CHRNA7: variants seen among roughly 807,000 people sequenced by gnomAD.
The protein encoded by CHRNA7 is neuronal acetylcholine receptor subunit alpha-7.
CHRNA7 carries 17 observed loss-of-function variants against 48.0 expected under a neutral mutation model. The ratio of observed to expected loss-of-function variants is 0.35; its 90% CI spans 0.24 to 0.53. The LOEUF (loss-of-function observed/expected upper bound fraction) is 0.53, where lower values mean the gene tolerates loss of function less well. CHRNA7 is among the 20% of genes least tolerant of loss of function. The pLI is 0.92. For missense variants in CHRNA7, 155 were observed against 577.7 expected, an observed-to-expected ratio of 0.27 and a Z score of 7.50; for synonymous variants, 75 against 242.3, an observed-to-expected ratio of 0.31 and a Z score of 6.41.
chr15:32,107,958 G>C (rs2050698405), intron 3 of CHRNA7, among the ~76,000 whole-genome samples: 1 of 152,104 alleles, frequency 6.6e-6, no homozygotes, highest in Non-Finnish European at 1.5e-5. Context: ...CTCTCACTCA[G>C]GAAATTCCCA....
intron 4 of CHRNA7, among the ~76,000 whole-genome samples, chr15:32,137,647 G>C (rs749957959): frequency 6.6e-6 from 1 of 152,154 alleles, no homozygotes; most frequent in Non-Finnish European, 1.5e-5. Flanking sequence ...TACAGATATA[G>C]AAAAAATGCA....
At chr15:32,075,943 AC>A (rs2050130620) in intron 2 of CHRNA7, among the ~76,000 whole-genome samples, 1 of 151,806 alleles carries the variant, frequency 6.6e-6, no homozygotes, top group Non-Finnish European at 1.5e-5. Context: ...TTTCTTTTTG[AC>A]CTACAGATTA....
At chr15:32,036,512 A>G (rs1045723071) in intron 2 of CHRNA7, among the ~76,000 whole-genome samples, 5 of 152,212 alleles carry the variant, frequency 3.3e-5, no homozygotes, top group East Asian at 1.9e-4. Context: ...ATCACAGACT[A>G]TCTCCCAAAG....
At chr15:32,031,160 G>GCTT in intron 2 of CHRNA7, 123 bp downstream of exon 2, 2 of 1,156,552 alleles carry the variant, frequency 1.7e-6, no homozygotes, top group Non-Finnish European at 2.5e-6. Flanking sequence ...CCCCAAGCTA[G>GCTT]GCAGGGCCAT....
At chr15:32,139,255 TTTATCCATTTCACCTACTGAAGGTTGC>T (rs1483973057) in intron 4 of CHRNA7, among the ~76,000 whole-genome samples, 2 of 152,362 alleles carry the variant, frequency 1.3e-5, no homozygotes, top group East Asian at 3.9e-4. Flanking sequence ...GCACAGTTAG[TTTATCCATTTCACCTACTGAAGGTTGC>T]TTCCAAGTTT....
chr15:32,054,875 A>G (rs764506060), intron 2 of CHRNA7, among the ~76,000 whole-genome samples: 3 of 152,238 alleles, frequency 2.0e-5, no homozygotes, highest in African/African-American at 7.2e-5. Context: ...TCTGACGGAC[A>G]GGAGTATGCA....
At chr15:32,130,309 T>A (rs558250551) in intron 4 of CHRNA7, among the ~76,000 whole-genome samples, 1 of 152,100 alleles carries the variant, frequency 6.6e-6, no homozygotes, top group South Asian at 2.1e-4. Context: ...CTTGTCTATA[T>A]CTTTTGAAAA....
intron 7 of CHRNA7, chr15:32,159,017 A>G (rs2051840273): frequency 4.1e-6 from 1 of 245,040 alleles, no homozygotes; most frequent in East Asian, 9.6e-5. Flanking sequence ...TCACTCCCAT[A>G]CGAAGCTAAG....
At chr15:32,085,998 G>C (rs988633546) in intron 2 of CHRNA7, among the ~76,000 whole-genome samples, 7 of 151,992 alleles carry the variant, frequency 4.6e-5, no homozygotes, top group African/African-American at 1.7e-4. Flanking sequence ...ACTACAATGT[G>C]ACTTAGTTAA....
At chr15:32,078,035 T>C (rs2050160805) in intron 2 of CHRNA7, among the ~76,000 whole-genome samples, 1 of 152,202 alleles carries the variant, frequency 6.6e-6, no homozygotes, top group Admixed American at 6.5e-5. Context: ...AGACAAACTA[T>C]AGCAAGGTCT....
intron 2 of CHRNA7, among the ~76,000 whole-genome samples, chr15:32,067,452 G>A (rs2049984618): frequency 6.6e-6 from 1 of 152,162 alleles, no homozygotes; most frequent in Non-Finnish European, 1.5e-5. Context: ...AGCAATTAAT[G>A]CATTTTCCAA....
chr15:32,084,641 T>C (rs1339005073), intron 2 of CHRNA7, among the ~76,000 whole-genome samples: 1 of 152,194 alleles, frequency 6.6e-6, no homozygotes, highest in Non-Finnish European at 1.5e-5. Flanking sequence ...GTGGTGGACA[T>C]TTTGTCCAAG....
intron 2 of CHRNA7, among the ~76,000 whole-genome samples, chr15:32,066,393 T>C (rs2049967469): frequency 6.6e-6 from 1 of 152,136 alleles, no homozygotes; most frequent in Middle Eastern, 3.2e-3. Context: ...GCCATTCTTC[T>C]GCCTCAGCCT....
chr15:32,052,643 C>T (rs549717096), intron 2 of CHRNA7, among the ~76,000 whole-genome samples: 7 of 152,230 alleles, frequency 4.6e-5, no homozygotes, highest in South Asian at 2.1e-4. Flanking sequence ...GCAGGAGAAT[C>T]GCTTGAACCC....
chr15:32,072,594 C>A (rs2050075417), intron 2 of CHRNA7, among the ~76,000 whole-genome samples: 1 of 152,186 alleles, frequency 6.6e-6, no homozygotes, highest in African/African-American at 2.4e-5. Flanking sequence ...AAGTTCCCAT[C>A]ACAGGTCCAG....
At chr15:32,098,757 C>G (rs1409007512) in intron 2 of CHRNA7, 1 of 152,212 alleles carries the variant, frequency 6.6e-6, no homozygotes, top group African/African-American at 2.4e-5. Flanking sequence ...TGTCTTCCTC[C>G]TTGTAGGGAC....
chr15:32,059,259 C>A (rs2049838442), intron 2 of CHRNA7, among the ~76,000 whole-genome samples: 1 of 152,110 alleles, frequency 6.6e-6, no homozygotes, highest in African/African-American at 2.4e-5. Context: ...CCGCCTTGGC[C>A]TTCTGAAGTG....
At chr15:32,102,774 A>G (rs1202878331) in intron 3 of CHRNA7, 1 of 152,224 alleles carries the variant, frequency 6.6e-6, no homozygotes, top group Non-Finnish European at 1.5e-5. Flanking sequence ...TAGGTGTAGT[A>G]ACATGAGTAG....
chr15:32,035,926 A>G (rs1343728059), intron 2 of CHRNA7, among the ~76,000 whole-genome samples: 1 of 152,202 alleles, frequency 6.6e-6, no homozygotes, highest in Non-Finnish European at 1.5e-5. Context: ...TTGACACATC[A>G]TCATCACCCC....
Sources: gnomAD v4.1 joint callset for allele counts (sites outside exome capture counted in the v4.1 genomes callset) on GRCh38, gnomAD v4.1.1 for gene constraint, MANE v1.5 for transcripts, NCBI Gene and HGNC (gene_info 2026-07-23, HGNC 2026-07-21) for gene names.